SLC6A3: variants seen among roughly 807,000 people sequenced by gnomAD.
SLC6A3 encodes the protein solute carrier family 6 member 3, also known as sodium-dependent dopamine transporter.
SLC6A3 carries 19 observed loss-of-function variants against 70.4 expected under a neutral mutation model. The ratio of observed to expected loss-of-function variants is 0.27; its 90% CI spans 0.19 to 0.40. The LOEUF is 0.40. SLC6A3 is among the 10% of genes least tolerant of loss of function. The pLI, the probability that SLC6A3 is intolerant of heterozygous loss-of-function variation, is 1.00. For synonymous variants in SLC6A3, 368 were observed against 356.6 expected, an observed-to-expected ratio of 1.03 and a Z score of -0.36; for missense variants, 613 against 838.5, an observed-to-expected ratio of 0.73 and a Z score of 3.32.
chr5:1,429,224 TGTTTCA>T (rs1241282686), intron 4 of SLC6A3, among the ~76,000 whole-genome samples: 1 of 152,258 alleles, frequency 6.6e-6, no homozygotes, highest in Non-Finnish European at 1.5e-5. Context: ...CACTGGGGCC[TGTTTCA>T]GGGGAACCTC....
rs1579700135 is a variant in SLC6A3, at chr5:1,401,857, G to A, written c.1768-871C>T. ...TGCTCTTCCCCTGTGCTGGGTCCTG[G>A]CAGGTCAGCCCGTGGGGGTCTGAGA... On this transcript the variant is annotated intron_variant, in intron 13 of 14. Coordinates refer to ENST00000270349, the MANE Select transcript of SLC6A3 (RefSeq NM_001044.5). This position sits in a 1 kb window ranked among gnomAD's most constrained non-coding sequence, Gnocchi z 6.1. 6.6e-6 allele frequency among the ~76,000 whole-genome samples: 1 copy of A among 152,314 alleles called. No individual in the cohort carries two copies.
chr5:1,444,628 C>T (rs1156680775), intron 1 of SLC6A3, among the ~76,000 whole-genome samples: 1 of 152,206 alleles, frequency 6.6e-6, no homozygotes, highest in Non-Finnish European at 1.5e-5. Flanking sequence ...GTAAAACACC[C>T]GACGAAGGGG....
At position 1,407,186 on chromosome 5, in the gene SLC6A3, C is replaced by T. The variant is rs1579703812; in HGVS notation, c.1499-898G>A. ...TTAAGAGTGGTTTCTCCCCCCACAT[C>T]TGGCCTGGTCTGTGACTCGTGTGAC... On this transcript the variant is annotated intron_variant, in intron 11 of 14. Coordinates refer to ENST00000270349, the MANE Select transcript of SLC6A3 (RefSeq NM_001044.5). Among the ~76,000 whole-genome samples the T allele has an allele frequency of 2.6e-5, 4 of 152,238 alleles. No homozygotes were observed. In the East Asian group the frequency reaches 5.8e-4, roughly 22 times the overall value.
rs2126323829 is a variant in SLC6A3, at chr5:1,402,852, G to A, written c.1767+70C>T. ...ATGACCCAGGCAGGTGAGGACTGGG[G>A]CCATGGACACCCACGGAGCCTTTCT... On this transcript the variant is annotated intron_variant, in intron 13 of 14. Coordinates refer to ENST00000270349, the MANE Select transcript of SLC6A3 (RefSeq NM_001044.5). This position sits in a 1 kb window ranked among gnomAD's most constrained non-coding sequence, Gnocchi z 8.5. 1.3e-6 allele frequency: 2 copies of A among 1,499,580 alleles called. No homozygotes were observed. Among genetic ancestry groups the A allele is most frequent in the South Asian group, 1.2e-5 (1 of 85,880 alleles). The allele number at this position is 1,499,580 out of a possible 1,614,324, so 92.9% of individuals were successfully genotyped here.
At chr5:1,412,538 G>A (rs1354481640) in intron 8 of SLC6A3, among the ~76,000 whole-genome samples, 2 of 152,364 alleles carry the variant, frequency 1.3e-5, no homozygotes, top group East Asian at 3.9e-4. Flanking sequence ...CTCGGATGGA[G>A]GTGGAGGGGA....
chr5:1,445,109 G>A (rs1334085362), intron 1 of SLC6A3, among the ~76,000 whole-genome samples: 4 of 152,202 alleles, frequency 2.6e-5, no homozygotes, highest in Non-Finnish European at 5.9e-5. Context: ...TTCTGAGCCT[G>A]GAGCGGGGCC....
chr5:1,409,637 G>A lies in SLC6A3; in HGVS notation c.1398+84C>T, dbSNP rs1261930303. On this transcript the variant is annotated intron_variant, in intron 10 of 14. Coordinates refer to ENST00000270349, the MANE Select transcript of SLC6A3 (RefSeq NM_001044.5). ...CCTGGAAGTGCTGCGGTTCTGTCTG[G>A]CCTGACAGTCCCAGCCAGGGCGCCC... 4 of 1,521,044 alleles carry A rather than the reference G, an allele frequency of 2.6e-6. No individual in the cohort carries two copies. The East Asian group carries it at 9.0e-5, about 34-fold the overall frequency. 94.2% of individuals were successfully genotyped at this position (1,521,044 alleles called of 1,614,324 possible). A position where few individuals can be genotyped will look rare whatever the true frequency, so the allele number is the denominator to read the frequency against.
chr5:1,414,598 G>A (rs11564760), intron 8 of SLC6A3, 93 bp downstream of exon 8: 416 of 1,468,064 alleles, frequency 2.8e-4, no homozygotes, highest in Middle Eastern at 1.2e-3. Context: ...GGGCCCATGC[G>A]TCTCCTTCCT....
rs369479493 is a variant in SLC6A3, at chr5:1,416,065, T to A, written c.1031+33A>T. ...GTCAGCGACCTCTCCCTAGTATTGATGAGGCCCCTGCCTGGCCCTGCTAGG... is the reference window on the plus strand; with the variant it reads ...GTCAGCGACCTCTCCCTAGTATTGAAGAGGCCCCTGCCTGGCCCTGCTAGG... On this transcript the variant is annotated intron_variant, in intron 7 of 14. Coordinates refer to ENST00000270349, the MANE Select transcript of SLC6A3 (RefSeq NM_001044.5). The A allele has an allele frequency of 1.0e-5, 15 of 1,496,320 alleles. No individual in the cohort carries two copies. The African/African-American group carries it at 1.8e-4, about 18-fold the overall frequency. 92.7% of individuals were successfully genotyped at this position (1,496,320 alleles called of 1,614,324 possible).
chr5:1,395,047 G>A, intron 14 of SLC6A3, among the ~76,000 whole-genome samples: 1 of 152,228 alleles, frequency 6.6e-6, no homozygotes, highest in Middle Eastern at 3.2e-3. Flanking sequence ...GGGGCGTATT[G>A]ATCAGATGCT....
intron 4 of SLC6A3, among the ~76,000 whole-genome samples, chr5:1,422,365 CCACTGCCCAG>C (rs1756459550): frequency 1.3e-5 from 2 of 150,930 alleles, no homozygotes; most frequent in South Asian, 2.1e-4. Context: ...TGGGTGCCCA[CCACTGCCCAG>C]TGCTGCCCAA....
rs180807131 is a variant in SLC6A3, at chr5:1,402,189, C to T, written c.1767+733G>A. 2.0e-5 allele frequency among the ~76,000 whole-genome samples: 3 copies of T among 151,912 alleles called. No homozygotes were observed. The highest frequency in any genetic ancestry group is 7.2e-5 in the African/African-American group (3 of 41,388). ...GGCTGGGATTTGAGGAAGCAGCTTC[C>T]GGGAGTTCCCAGTGGTGGGATCTCA... is the stretch of plus-strand genomic sequence containing the variant. On this transcript the variant is annotated intron_variant, in intron 13 of 14. Coordinates refer to ENST00000270349, the MANE Select transcript of SLC6A3 (RefSeq NM_001044.5). The surrounding 1 kb of genome is among the most constrained non-coding windows in gnomAD (Gnocchi z 8.5).
Position 1,404,835 on chromosome 5 carries a change from G to A in SLC6A3, c.1599+1353C>T, listed in dbSNP as rs903574385. Among the ~76,000 whole-genome samples, 2 of 152,248 alleles carry A rather than the reference G, an allele frequency of 1.3e-5. No individual in the cohort carries two copies. Among genetic ancestry groups the A allele is most frequent in the African/African-American group, 4.8e-5 (2 of 41,462 alleles). Reference sequence around the variant, plus strand: ...TTTGTAGTTTTATCTAAAAGTCTACGAAGTGTGTTTCTGTATGAAGTTCGA... The same window carrying A: ...TTTGTAGTTTTATCTAAAAGTCTACAAAGTGTGTTTCTGTATGAAGTTCGA... On this transcript the variant is annotated intron_variant, in intron 12 of 14. Coordinates refer to ENST00000270349, the MANE Select transcript of SLC6A3 (RefSeq NM_001044.5). This position sits in a 1 kb window ranked among gnomAD's most constrained non-coding sequence, Gnocchi z 5.2.
chr5:1,396,819 A>G lies in SLC6A3; in HGVS notation c.1840-2061T>C, dbSNP rs1378151328. On this transcript the variant is annotated intron_variant, in intron 14 of 14. Coordinates refer to ENST00000270349, the MANE Select transcript of SLC6A3 (RefSeq NM_001044.5). The surrounding 1 kb of genome is among the most constrained non-coding windows in gnomAD (Gnocchi z 7.0). ...TTCAGTAGGGGTTGGTTAGGGCTACACCAAATGCTGAAGCCAAATAATACA... is the reference window on the plus strand; with the variant it reads ...TTCAGTAGGGGTTGGTTAGGGCTACGCCAAATGCTGAAGCCAAATAATACA... Among the ~76,000 whole-genome samples the G allele has an allele frequency of 6.6e-6, 1 of 152,188 alleles. No individual in the cohort carries two copies. Among genetic ancestry groups the G allele is most frequent in the Non-Finnish European group, 1.5e-5 (1 of 68,030 alleles).
At chr5:1,431,955 G>A (rs1374911123) in intron 4 of SLC6A3, among the ~76,000 whole-genome samples, 5 of 152,244 alleles carry the variant, frequency 3.3e-5, no homozygotes, top group Non-Finnish European at 5.9e-5. Context: ...GACAGGGGCT[G>A]CCTACTGAAG....
chr5:1,412,988 C>T (rs892607723), intron 8 of SLC6A3, among the ~76,000 whole-genome samples: 31 of 152,210 alleles, frequency 2.0e-4, no homozygotes, highest in African/African-American at 7.0e-4. Context: ...AGATATTCAT[C>T]AGCTCAGGGA....
intron 6 of SLC6A3, among the ~76,000 whole-genome samples, chr5:1,418,872 ATCC>A (rs1756369464): frequency 6.8e-6 from 1 of 146,028 alleles, no homozygotes; most frequent in African/African-American, 2.6e-5. Context: ...CCATCCATCC[ATCC>A]ATCCTATCTA....
intron 6 of SLC6A3, among the ~76,000 whole-genome samples, chr5:1,420,021 T>C (rs993502932): frequency 3.4e-4 from 52 of 152,152 alleles, no homozygotes; most frequent in African/African-American, 1.2e-3. Context: ...CTCAACGGCC[T>C]CCTGCCTCAT....
At chr5:1,409,658 C>G (rs150541873) in intron 10 of SLC6A3, 63 bp downstream of exon 10, 1 of 1,599,796 alleles carries the variant, frequency 6.3e-7, no homozygotes, top group East Asian at 2.2e-5. Flanking sequence ...CCAGCCAGGG[C>G]GCCCCGTGCC....
Sources: gnomAD v4.1 joint callset for allele counts (sites outside exome capture counted in the v4.1 genomes callset) on GRCh38, gnomAD v4.1.1 for gene constraint, Gnocchi (gnomAD v3.1) non-coding constraint, MANE v1.5 for transcripts, NCBI Gene and HGNC (gene_info 2026-07-23, HGNC 2026-07-21) for gene names.